The following RNPC3 variants were observed in gnomAD, a reference collection of about 807,000 sequenced individuals.
RNPC3 encodes the protein RNA-binding region-containing protein 3.
In RNPC3, 48 loss-of-function variants were observed where a neutral mutation model predicts 67.5. That is an observed-to-expected ratio of 0.71 (90% CI 0.56 to 0.90). The LOEUF is 0.90. RNPC3 is among the 40% of genes least tolerant of loss of function. RNPC3 has a pLI of 0.00. For synonymous variants in RNPC3, 239 were observed against 210.3 expected (o/e 1.14, Z -1.18); for missense variants, 637 against 626.1 (o/e 1.02, Z -0.19).
chr1:103,546,562 T>C lies in RNPC3; in HGVS notation c.1302+220T>C, dbSNP rs1399701572. On this transcript the variant is annotated intron_variant, in intron 11 of 14. Coordinates refer to ENST00000423855, the MANE Select transcript of RNPC3 (RefSeq NM_017619.4). Reference sequence around the variant, plus strand: ...GCAGTAAATACTGAGACAGAGTTTGTGGTATGTATTAATTTCCTAGGGCTA... The same window carrying C: ...GCAGTAAATACTGAGACAGAGTTTGCGGTATGTATTAATTTCCTAGGGCTA... 3 of 360,884 alleles carry C rather than the reference T, an allele frequency of 8.3e-6. No individual in the cohort carries two copies. In the East Asian group the frequency reaches 1.5e-4, roughly 18 times the overall value. The allele number at this position is 360,884 out of a possible 1,614,324, so 22.4% of individuals were successfully genotyped here. A position where few individuals can be genotyped will look rare whatever the true frequency, so the allele number is the denominator to read the frequency against.
At chr1:103,540,547 G>GT (rs901076698) in intron 7 of RNPC3, among the ~76,000 whole-genome samples, 1 of 152,028 alleles carries the variant, frequency 6.6e-6, no homozygotes, top group Admixed American at 6.6e-5. Context: ...GTAAACCATG[G>GT]TTTTTTAAAA....
intron 11 of RNPC3, 73 bp downstream of exon 11, chr1:103,546,415 T>C (rs1200739298): frequency 1.5e-6 from 1 of 669,316 alleles, no homozygotes; most frequent in South Asian, 2.3e-5. Flanking sequence ...TGTTAAAGTC[T>C]GTTTGAAACT....
chr1:103,544,096 C>G (rs1458311793), intron 9 of RNPC3, among the ~76,000 whole-genome samples: 1 of 151,662 alleles, frequency 6.6e-6, no homozygotes, highest in Non-Finnish European at 1.5e-5. Flanking sequence ...CACCTCAAAC[C>G]TCACTCTCCT....
intron 8 of RNPC3, among the ~76,000 whole-genome samples, chr1:103,541,904 C>T (rs1394218149): frequency 1.3e-5 from 2 of 151,914 alleles, no homozygotes; most frequent in Non-Finnish European, 2.9e-5. Flanking sequence ...TCTCTTAACT[C>T]CATCACCTGA....
At position 103,527,595 on chromosome 1, in the gene RNPC3, T is replaced by C. The variant is rs1030375713; in HGVS notation, c.193-100T>C. 1.2e-5 allele frequency: 10 copies of C among 853,394 alleles called. No homozygotes were observed. In the East Asian group the frequency reaches 2.7e-4, roughly 23 times the overall value. The allele number at this position is 853,394 out of a possible 1,614,324, so 52.9% of individuals were successfully genotyped here. ...TTGAGTTTTCATCCTTTCCCGTGAT[T>C]TTATTAACATGTCACATTACTCCAC... On this transcript the variant is annotated intron_variant, in intron 1 of 14. Transcript: ENST00000423855.
chr1:103,534,964 T>C, intron 4 of RNPC3, 107 bp downstream of exon 4: 1 of 600,746 alleles, frequency 1.7e-6, no homozygotes. Flanking sequence ...TACAGATATC[T>C]TATTGCTTAT....
intron 1 of RNPC3, among the ~76,000 whole-genome samples, chr1:103,526,740 C>T (rs1157501674): frequency 1.3e-5 from 2 of 152,114 alleles, no homozygotes; most frequent in Non-Finnish European, 2.9e-5. Flanking sequence ...GAAAAAGAGG[C>T]TTTTCATAAA....
At chr1:103,547,580 A>G (rs754201218) in intron 12 of RNPC3, among the ~76,000 whole-genome samples, 1 of 152,204 alleles carries the variant, frequency 6.6e-6, no homozygotes, top group Admixed American at 6.5e-5. Flanking sequence ...TCCAAAGACT[A>G]TGCTTTGAAA....
At chr1:103,533,611 T>C (rs767546709) in intron 2 of RNPC3, 128 bp from the exon 3 acceptor site, 5 of 626,438 alleles carry the variant, frequency 8.0e-6, no homozygotes, top group Non-Finnish European at 1.4e-5. Flanking sequence ...AGATTAAAAA[T>C]AAATTAGGAA....
At position 103,533,102 on chromosome 1, in the gene RNPC3, TGAG is replaced by T. The variant is rs199614565; in HGVS notation, c.241-633_241-631del. 1.2e-3 allele frequency among the ~76,000 whole-genome samples: 185 copies of T among 151,926 alleles called. 1 individual carries two copies. The East Asian group carries it at 0.03, about 25-fold the overall frequency. On this transcript the variant is annotated intron_variant, in intron 2 of 14. Transcript: ENST00000423855. ...CAGAGCATAGCTAAGTAAAGACCCT[TGAG>T]GAGATGAGAGGATGGAATTTAGTAT...
intron 2 of RNPC3, among the ~76,000 whole-genome samples, chr1:103,529,893 G>A (rs1650806019): frequency 1.3e-5 from 2 of 152,246 alleles, no homozygotes; most frequent in South Asian, 4.2e-4. Context: ...TATTCAGGGC[G>A]ACTCCGCCTG....
chr1:103,545,458 A>G (rs1651220037), intron 10 of RNPC3: 1 of 159,858 alleles, frequency 6.3e-6, no homozygotes, highest in Non-Finnish European at 1.4e-5. Context: ...AGATACATAC[A>G]AAGCGATTTA....
chr1:103,527,564 A>G (rs886292947), intron 1 of RNPC3, 131 bp from the exon 2 acceptor site: 2 of 711,336 alleles, frequency 2.8e-6, no homozygotes, highest in African/African-American at 3.6e-5. Flanking sequence ...AATCAGTTAA[A>G]TGGTCTTGAG....
chr1:103,539,587 A>G (rs1441827589), intron 7 of RNPC3, among the ~76,000 whole-genome samples: 1 of 152,136 alleles, frequency 6.6e-6, no homozygotes, highest in Non-Finnish European at 1.5e-5. Flanking sequence ...TTGTTTGTTT[A>G]CTTAGGTTTC....
At chr1:103,549,080 A>C (rs1445922318) in intron 12 of RNPC3, among the ~76,000 whole-genome samples, 1 of 152,174 alleles carries the variant, frequency 6.6e-6, no homozygotes, top group African/African-American at 2.4e-5. Flanking sequence ...GACACATGGG[A>C]ATTGTAGGAG....
At chr1:103,547,362 T>C (rs751460264) in intron 12 of RNPC3, among the ~76,000 whole-genome samples, 59 of 152,352 alleles carry the variant, frequency 3.9e-4, no homozygotes, top group Non-Finnish European at 7.5e-4. Context: ...TAAAACTCTT[T>C]ACAGAAACAG....
chr1:103,528,809 G>A (rs1345475528), intron 2 of RNPC3, among the ~76,000 whole-genome samples: 2 of 152,212 alleles, frequency 1.3e-5, no homozygotes, highest in Middle Eastern at 3.2e-3. Context: ...TAAAGTAGGA[G>A]AACTAGAAAG....
intron 6 of RNPC3, among the ~76,000 whole-genome samples, chr1:103,536,705 A>G (rs576024384): frequency 6.6e-6 from 1 of 152,286 alleles, no homozygotes; most frequent in African/African-American, 2.4e-5. Context: ...GTGTTCATAT[A>G]TGAATAGAAG....
chr1:103,540,002 G>A (rs549123035), intron 7 of RNPC3, among the ~76,000 whole-genome samples: 27 of 152,248 alleles, frequency 1.8e-4, no homozygotes, highest in African/African-American at 6.0e-4. Flanking sequence ...TGGGACTAAA[G>A]GCATGTGCTA....
Sources: allele counts gnomAD v4.1 joint callset (sites outside exome capture counted in the v4.1 genomes callset), GRCh38; gene constraint gnomAD v4.1.1; transcripts MANE v1.5; gene names NCBI Gene and HGNC (gene_info 2026-07-23, HGNC 2026-07-21).